ADAMTS12: variants seen among roughly 807,000 people sequenced by gnomAD.
ADAMTS12 encodes the protein ADAM metallopeptidase with thrombospondin type 1 motif 12, also known as A disintegrin and metalloproteinase with thrombospondin motifs 12.
In ADAMTS12, 118 loss-of-function variants were observed where a neutral mutation model predicts 167.8. That is an observed-to-expected ratio of 0.70 (90% CI 0.61 to 0.82). ADAMTS12 has a LOEUF of 0.82. ADAMTS12 is among the 40% of genes least tolerant of loss of function. The pLI, the probability that ADAMTS12 is intolerant of heterozygous loss-of-function variation, is 0.00. For missense variants in ADAMTS12, 1,916 were observed against 1,998.8 expected (o/e 0.96, Z 0.79); for synonymous variants, 704 against 716.9 (o/e 0.98, Z 0.29).
At chr5:33,663,374 A>T (rs900984175) in intron 5 of ADAMTS12, among the ~76,000 whole-genome samples, 2 of 152,094 alleles carry the variant, frequency 1.3e-5, no homozygotes, top group Non-Finnish European at 1.5e-5. Flanking sequence ...CACCCATCAT[A>T]AAAAACTGGT....
At chr5:33,787,316 G>A (rs777868449) in intron 2 of ADAMTS12, among the ~76,000 whole-genome samples, 4 of 152,224 alleles carry the variant, frequency 2.6e-5, no homozygotes, top group African/African-American at 7.2e-5. Context: ...TTGTAGATGG[G>A]AGAACATGGA....
intron 2 of ADAMTS12, among the ~76,000 whole-genome samples, chr5:33,776,305 T>A (rs1209968338): frequency 6.6e-6 from 1 of 152,170 alleles, no homozygotes; most frequent in East Asian, 1.9e-4. Context: ...TTCTCCAGTA[T>A]AGATCATGTT....
intron 3 of ADAMTS12, among the ~76,000 whole-genome samples, chr5:33,744,982 TA>T (rs994986763): frequency 6.6e-6 from 1 of 152,192 alleles, no homozygotes; most frequent in Non-Finnish European, 1.5e-5. Context: ...TCTGGCCAAT[TA>T]AAAAAAATTT....
chr5:33,720,278 T>TCACA (rs879939993), intron 3 of ADAMTS12, among the ~76,000 whole-genome samples: 58 of 83,210 alleles, frequency 7.0e-4, no homozygotes, highest in African/African-American at 2.6e-3. Context: ...TCTCTCTCTC[T>TCACA]CTCACTCACA....
chr5:33,562,426 T>G (rs1392063492), intron 19 of ADAMTS12, among the ~76,000 whole-genome samples: 1 of 152,064 alleles, frequency 6.6e-6, no homozygotes, highest in Non-Finnish European at 1.5e-5. Context: ...GCCTGATTCT[T>G]TCCTGTAACT....
intron 2 of ADAMTS12, among the ~76,000 whole-genome samples, chr5:33,758,080 T>C (rs1745227737): frequency 6.6e-6 from 1 of 152,276 alleles, no homozygotes; most frequent in East Asian, 1.9e-4. Flanking sequence ...ATGTCATGTG[T>C]ATTAAACGAG....
intron 18 of ADAMTS12, among the ~76,000 whole-genome samples, chr5:33,586,662 A>G (rs986081377): frequency 6.6e-6 from 1 of 152,246 alleles, no homozygotes; most frequent in Non-Finnish European, 1.5e-5. Context: ...ATTCTACATG[A>G]CAAGAATTAT....
intron 3 of ADAMTS12, among the ~76,000 whole-genome samples, chr5:33,732,979 G>C (rs912146879): frequency 6.6e-6 from 1 of 151,770 alleles, no homozygotes; most frequent in African/African-American, 2.4e-5. Flanking sequence ...AATATAAACT[G>C]TGCAGAATGA....
chr5:33,824,362 G>A (rs144532872), intron 2 of ADAMTS12, among the ~76,000 whole-genome samples: 1 of 152,172 alleles, frequency 6.6e-6, no homozygotes, highest in East Asian at 1.9e-4. Context: ...TGTGGGCCTC[G>A]AATGCCCTTG....
chr5:33,631,046 A>C, intron 12 of ADAMTS12, 133 bp from the exon 13 acceptor site: 1 of 982,732 alleles, frequency 1.0e-6, no homozygotes, highest in Admixed American at 2.7e-5. Flanking sequence ...TCCTTGAGAC[A>C]CATGCTGAAA....
In ADAMTS12 at chr5:33,574,243, C is replaced by G. The variant is rs1465250552; in HGVS notation, c.3972+1811G>C. On this transcript the variant is annotated intron_variant, in intron 19 of 23. Coordinates refer to ENST00000504830, the MANE Select transcript of ADAMTS12 (RefSeq NM_030955.4). ...ACCATTTGACCCAGCAATCCCATTA[C>G]TGGGTATATACCCAAAGGACTATAA... 1.8e-4 allele frequency among the ~76,000 whole-genome samples: 27 copies of G among 152,154 alleles called. 1 individual carries two copies. The highest frequency in any genetic ancestry group is 1.6e-3 in the Admixed American group (25 of 15,284).
intron 14 of ADAMTS12, among the ~76,000 whole-genome samples, chr5:33,620,230 C>G (rs981868278): frequency 6.6e-5 from 10 of 152,214 alleles, no homozygotes; most frequent in Non-Finnish European, 1.5e-4. Flanking sequence ...TGGTACATAT[C>G]AAGCAATTCA....
intron 2 of ADAMTS12, among the ~76,000 whole-genome samples, chr5:33,825,658 T>C (rs1278531213): frequency 6.6e-6 from 1 of 152,238 alleles, no homozygotes; most frequent in Non-Finnish European, 1.5e-5. Flanking sequence ...GTTTTTGTTT[T>C]TGCAAAGAAA....
chr5:33,609,386 T>G (rs1219611047), intron 16 of ADAMTS12, among the ~76,000 whole-genome samples: 1 of 151,448 alleles, frequency 6.6e-6, no homozygotes, highest in Non-Finnish European at 1.5e-5. Flanking sequence ...TTTTTTTTTT[T>G]TGGAGAGAGG....
chr5:33,684,210 T>C (rs963535768), intron 3 of ADAMTS12, among the ~76,000 whole-genome samples, 155 bp from the exon 4 acceptor site: 2 of 152,094 alleles, frequency 1.3e-5, no homozygotes, highest in African/African-American at 4.8e-5. Flanking sequence ...CCAATTTAAA[T>C]GAATATGACC....
At chr5:33,552,566 C>T (rs1315503151) in intron 20 of ADAMTS12, among the ~76,000 whole-genome samples, 2 of 152,232 alleles carry the variant, frequency 1.3e-5, no homozygotes, top group Non-Finnish European at 2.9e-5. Flanking sequence ...TTCCTAAACA[C>T]ATTCATAAGA....
At chr5:33,641,108 T>C (rs1346242723) in intron 11 of ADAMTS12, among the ~76,000 whole-genome samples, 1 of 151,972 alleles carries the variant, frequency 6.6e-6, no homozygotes, top group East Asian at 1.9e-4. Context: ...TGGGAGACAG[T>C]ATATCAGAAA....
chr5:33,671,837 C>A (rs772005280), intron 5 of ADAMTS12, among the ~76,000 whole-genome samples: 2 of 149,462 alleles, frequency 1.3e-5, no homozygotes, highest in Non-Finnish European at 1.5e-5. Flanking sequence ...CACACCCACA[C>A]ACTCACATAC....
intron 2 of ADAMTS12, among the ~76,000 whole-genome samples, chr5:33,860,753 T>C (rs1428725784): frequency 2.0e-5 from 3 of 152,082 alleles, no homozygotes; most frequent in Non-Finnish European, 4.4e-5. Flanking sequence ...ATCTTCATTT[T>C]AACCTTAATA....
Sources: gnomAD v4.1 joint callset for allele counts (sites outside exome capture counted in the v4.1 genomes callset) on GRCh38, gnomAD v4.1.1 for gene constraint, MANE v1.5 for transcripts, NCBI Gene and HGNC (gene_info 2026-07-23, HGNC 2026-07-21) for gene names.